HERC1: variants seen among roughly 807,000 people sequenced by gnomAD.
The protein encoded by HERC1 is probable E3 ubiquitin-protein ligase HERC1.
Under a neutral mutation model 554.3 loss-of-function variants are expected in HERC1, and 160 were observed. That is an observed-to-expected ratio of 0.29 (90% CI 0.25 to 0.33). The LOEUF (loss-of-function observed/expected upper bound fraction) is 0.33, where lower values mean the gene tolerates loss of function less well. HERC1 is among the 10% of genes least tolerant of loss of function. The pLI is 1.00. For missense variants in HERC1, 4,919 were observed against 5,918.5 expected (o/e 0.83, Z 5.54); for synonymous variants, 2,175 against 2,131.7 (o/e 1.02, Z -0.56).
At chr15:63,678,467 G>T in intron 36 of HERC1, 102 bp from the exon 37 acceptor site, 2 of 1,344,390 alleles carry the variant, frequency 1.5e-6, no homozygotes, top group Non-Finnish European at 2.0e-6. Flanking sequence ...TAGTATTTGG[G>T]TCTCTTCATA....
At chr15:63,706,861 AT>A in intron 24 of HERC1, 30 bp from the exon 25 acceptor site, 2 of 1,408,396 alleles carry the variant, frequency 1.4e-6, no homozygotes, top group Non-Finnish European at 1.9e-6. Flanking sequence ...AATAAATAAA[AT>A]TTAGTTGTGA....
intron 11 of HERC1, 85 bp downstream of exon 11, chr15:63,747,638 CA>C (rs1208987559): frequency 9.3e-6 from 7 of 750,098 alleles, no homozygotes; most frequent in Non-Finnish European, 1.4e-5. Context: ...AACAGTAAGT[CA>C]AAACTCAAAA....
intron 12 of HERC1, among the ~76,000 whole-genome samples, chr15:63,745,001 A>G (rs1330017252): frequency 6.6e-6 from 1 of 152,094 alleles, no homozygotes; most frequent in Non-Finnish European, 1.5e-5. Context: ...CTTTTCTTCA[A>G]GGCAGTGGGT....
chr15:63,610,934 T>TA lies in HERC1; in HGVS notation c.14400+1316dup, dbSNP rs140568625. ...CAGTAAGTTCTGGGTTTGAGGGCTG[T>TA]ACCCAGTGTTCAGGAGGTGGAGAGA... On this transcript the variant is annotated intron_variant, in intron 77 of 77. Coordinates refer to ENST00000443617, the MANE Select transcript of HERC1 (RefSeq NM_003922.4). 1.1e-3 allele frequency among the ~76,000 whole-genome samples: 165 copies of TA among 152,274 alleles called. 1 individual carries two copies. Among genetic ancestry groups the TA allele is most frequent in the African/African-American group, 3.9e-3 (163 of 41,556 alleles).
At chr15:63,723,671 G>A (rs2073917355) in intron 18 of HERC1, among the ~76,000 whole-genome samples, 1 of 152,134 alleles carries the variant, frequency 6.6e-6, no homozygotes, top group South Asian at 2.1e-4. Context: ...GAAACTAAAT[G>A]TCCTACACGT....
At chr15:63,611,578 C>T (rs1489434318) in intron 77 of HERC1, among the ~76,000 whole-genome samples, 1 of 152,196 alleles carries the variant, frequency 6.6e-6, no homozygotes, top group African/African-American at 2.4e-5. Context: ...CTGGGGCACA[C>T]CCACCAGTTA....
At chr15:63,769,922 T>A (rs2075897778) in intron 2 of HERC1, among the ~76,000 whole-genome samples, 1 of 152,180 alleles carries the variant, frequency 6.6e-6, no homozygotes, top group African/African-American at 2.4e-5. Flanking sequence ...TTATCTACCA[T>A]ACTAAATGAC....
intron 73 of HERC1, 79 bp from the exon 74 acceptor site, chr15:63,622,970 T>C (rs2068151729): frequency 2.6e-6 from 2 of 781,102 alleles, no homozygotes; most frequent in South Asian, 3.6e-5. Flanking sequence ...AAGATCATAC[T>C]GAAAAGAGAA....
At chr15:63,747,880 T>C in intron 10 of HERC1, 22 bp from the exon 11 acceptor site, 1 of 1,521,438 alleles carries the variant, frequency 6.6e-7, no homozygotes, top group Middle Eastern at 1.9e-4. Context: ...CATAAGAAAA[T>C]AATAAAACAG....
In HERC1 at chr15:63,713,615, G is replaced by A. The variant is rs768363971; in HGVS notation, c.4201C>T (p.Arg1401Ter). ...SAREVARSRD[R>*]DRMNSGAGSG... ...CCTGCCCCACTGTTCATTCTATCTC[G>A]GTCTCGGCTACGAGCTACTTCACGG... Residue 1401 changes from arginine to a stop codon, truncating the protein, a stop_gained, in exon 23 of 78, where the codon CGA (arginine) becomes TGA (stop). Transcript: ENST00000443617. LOFTEE classifies it high-confidence loss of function. The A allele has an allele frequency of 2.5e-6, 4 of 1,613,218 alleles. No individual in the cohort carries two copies. Among genetic ancestry groups the A allele is most frequent in the Non-Finnish European group, 8.5e-7 (1 of 1,179,612 alleles).
chr15:63,823,731 A>T (rs2077785148), intron 1 of HERC1, among the ~76,000 whole-genome samples: 1 of 152,206 alleles, frequency 6.6e-6, no homozygotes, highest in African/African-American at 2.4e-5. Flanking sequence ...TCTCTTATGA[A>T]ACCCAGTTGA....
intron 38 of HERC1, among the ~76,000 whole-genome samples, chr15:63,673,265 A>G (rs55678738): frequency 0.012 from 1,881 of 152,280 alleles, 36 homozygotes; most frequent in African/African-American, 0.043. Flanking sequence ...TAACTAAAAT[A>G]TGAGTTGCTA....
At chr15:63,626,881 C>A (rs1052539389) in intron 70 of HERC1, among the ~76,000 whole-genome samples, 1 of 152,192 alleles carries the variant, frequency 6.6e-6, no homozygotes, top group Non-Finnish European at 1.5e-5. Context: ...ATTCTAAGAG[C>A]TTTACATGAA....
At chr15:63,698,316 G>C (rs1288785958) in intron 26 of HERC1, among the ~76,000 whole-genome samples, 1 of 151,734 alleles carries the variant, frequency 6.6e-6, no homozygotes, top group East Asian at 1.9e-4. Flanking sequence ...TACTCTGGAG[G>C]CTGAGGCAGG....
At chr15:63,820,061 C>T (rs2077632501) in intron 1 of HERC1, among the ~76,000 whole-genome samples, 1 of 152,132 alleles carries the variant, frequency 6.6e-6, no homozygotes, top group African/African-American at 2.4e-5. Context: ...AGTCATTCCA[C>T]AATGTATATA....
chr15:63,618,544 T>G (rs1240220936), intron 74 of HERC1, among the ~76,000 whole-genome samples: 2 of 151,832 alleles, frequency 1.3e-5, no homozygotes, highest in South Asian at 2.1e-4. Flanking sequence ...GTGAAGAAAG[T>G]CATTGGTAGC....
In HERC1 at chr15:63,640,140, C is replaced by G. The variant is rs374477507; in HGVS notation, c.11901+12G>C. 49 of 1,610,848 alleles carry G rather than the reference C, an allele frequency of 3.0e-5. No individual in the cohort carries two copies. Among genetic ancestry groups the G allele is most frequent in the Non-Finnish European group, 4.1e-5 (48 of 1,177,660 alleles). On this transcript the variant is annotated intron_variant, in intron 61 of 77. Coordinates refer to ENST00000443617, the MANE Select transcript of HERC1 (RefSeq NM_003922.4). ...CTCAGCTGCAAATAATAGCAGCTCACAGTACATTTACCATTAGAAATACAA... is the reference window on the plus strand; with the variant it reads ...CTCAGCTGCAAATAATAGCAGCTCAGAGTACATTTACCATTAGAAATACAA...
intron 63 of HERC1, among the ~76,000 whole-genome samples, chr15:63,638,068 T>C (rs1036324739): frequency 6.6e-6 from 1 of 151,998 alleles, no homozygotes; most frequent in African/African-American, 2.4e-5. Context: ...AAAAGGGGAG[T>C]GGTCGATAAA....
intron 18 of HERC1, among the ~76,000 whole-genome samples, chr15:63,725,005 TAA>T (rs2073982604): frequency 6.6e-6 from 1 of 152,050 alleles, no homozygotes; most frequent in African/African-American, 2.4e-5. Flanking sequence ...CCTCGGAAAA[TAA>T]GTGATGAAGC....
Sources: gnomAD v4.1 joint callset for allele counts (sites outside exome capture counted in the v4.1 genomes callset) on GRCh38, gnomAD v4.1.1 for gene constraint, MANE v1.5 for transcripts, NCBI Gene and HGNC (gene_info 2026-07-23, HGNC 2026-07-21) for gene names.